Variants in UNC45B observed in about 807,000 individuals in gnomAD.
UNC45B encodes protein unc-45 homolog B.
UNC45B carries 78 observed loss-of-function variants against 98.7 expected under a neutral mutation model. The ratio of observed to expected loss-of-function variants is 0.79; its 90% confidence interval spans 0.66 to 0.95. The LOEUF is 0.95. Ranked by LOEUF, UNC45B falls within the 40% of genes least tolerant of loss-of-function variation. The pLI, the probability that UNC45B is intolerant of heterozygous loss-of-function variation, is 0.00. For synonymous variants in UNC45B, 462 were observed against 480.4 expected, an observed-to-expected ratio of 0.96 and a Z score of 0.50; for missense variants, 1,225 against 1,184.9, an observed-to-expected ratio of 1.03 and a Z score of -0.50.
intron 19 of UNC45B, among the ~76,000 whole-genome samples, chr17:35,184,866 A>G (rs1357835669): frequency 6.6e-6 from 1 of 151,920 alleles, no homozygotes; most frequent in Non-Finnish European, 1.5e-5. Flanking sequence ...CTTTTGTGCC[A>G]CCCCATGGCC....
At position 35,166,086 on chromosome 17, in the gene UNC45B, T is replaced by TAAAAAAAAA. The variant is rs55844448; in HGVS notation, c.1151+1937_1151+1945dup. Among the ~76,000 whole-genome samples, 101 of 58,108 alleles carry TAAAAAAAAA rather than the reference T, an allele frequency of 1.7e-3. 2 individuals are homozygous for TAAAAAAAAA. Among genetic ancestry groups the TAAAAAAAAA allele is most frequent in the Non-Finnish European group, 2.3e-3 (77 of 32,968 alleles). The allele number at this position is 58,108 out of a possible 152,430, so 38.1% of individuals were successfully genotyped here. The stretch of plus-strand genomic sequence containing the variant: ...GGCAATGTAGAGAGACCCTCATCTC[T>TAAAAAAAAA]AAAAAAAAAAAAAAAAAAAAAAAAA... On this transcript the variant is annotated intron_variant, in intron 9 of 19. Transcript: ENST00000394570.
At position 35,159,529 on chromosome 17, in the gene UNC45B, C is replaced by T. The variant is rs183214174; in HGVS notation, c.963C>T (p.Ile321=). 1.9e-6 allele frequency: 3 copies of T among 1,613,904 alleles called. No individual in the cohort carries two copies. The East Asian group carries it at 6.7e-5, about 36-fold the overall frequency. ...CCATTCATGACAACTCACGTACCAT[C>T]TATGTGGTGGATAATGGTGAGAAGA... ...DLAIHDNSRT[I]YVVDNGLRKI... Residue 321 remains isoleucine (I), a synonymous_variant, in exon 8 of 20, where the codon ATC becomes ATT. Transcript: ENST00000394570.
Position 35,185,596 on chromosome 17 carries a change from G to A in UNC45B, c.2530-703G>A, listed in dbSNP as rs572550076. On this transcript the variant is annotated intron_variant, in intron 19 of 19. Transcript: ENST00000394570. ...GCTGGGATTACAGGCATGAGCCACC[G>A]CACCTGGCCTGGGTTGGTGTCTTAA... 8.5e-5 allele frequency among the ~76,000 whole-genome samples: 13 copies of A among 152,136 alleles called. No individual in the cohort carries two copies. The South Asian group carries it at 1.2e-3, about 15-fold the overall frequency.
At chr17:35,149,981 G>T in intron 3 of UNC45B, 67 bp from the exon 4 acceptor site, 1 of 1,467,754 alleles carries the variant, frequency 6.8e-7, no homozygotes, top group Non-Finnish European at 9.1e-7. Context: ...CCTGGAGTTG[G>T]GGCAGTGGGG....
At chr17:35,170,611 G>A (rs543334099) in intron 12 of UNC45B, among the ~76,000 whole-genome samples, 38 of 151,874 alleles carry the variant, frequency 2.5e-4, no homozygotes, top group South Asian at 4.2e-4. Context: ...TGAGGCGGGC[G>A]GATGGCTTGA....
At chr17:35,162,355 A>C (rs1414643807) in intron 8 of UNC45B, among the ~76,000 whole-genome samples, 1 of 152,234 alleles carries the variant, frequency 6.6e-6, no homozygotes, top group Non-Finnish European at 1.5e-5. Flanking sequence ...ATCCAGTGTC[A>C]GAAGTAAGCT....
chr17:35,154,648 C>T lies in UNC45B; in HGVS notation c.546C>T (p.Ala182=), dbSNP rs1567755027. 1.2e-6 allele frequency: 2 copies of T among 1,613,480 alleles called. No individual in the cohort carries two copies. The highest frequency in any genetic ancestry group is 1.7e-6 in the Non-Finnish European group (2 of 1,179,804). Residue 182 remains alanine (A), a synonymous_variant, in exon 6 of 20, where the codon GCC becomes GCT. Transcript: ENST00000394570. ...AGATCTTCCAGAACAATGGAGTAGC[C>T]TTGCTACTGCAGCTTCTGGACACTA... ...AEKIFQNNGV[A]LLLQLLDTKK...
chr17:35,154,536 A>C (rs763364398), intron 5 of UNC45B, 38 bp from the exon 6 acceptor site: 2 of 1,596,750 alleles, frequency 1.3e-6, no homozygotes, highest in African/African-American at 2.7e-5. Context: ...GGGTGGCCGT[A>C]CCTCCCTCGT....
chr17:35,185,553 G>A lies in UNC45B; in HGVS notation c.2530-746G>A, dbSNP rs138891381. ...AAACTCCTGACCTCATGCTCCGCCTGCCTCGGCCTCCCAAAGTGCTGGGAT... is the reference window on the plus strand; with the variant it reads ...AAACTCCTGACCTCATGCTCCGCCTACCTCGGCCTCCCAAAGTGCTGGGAT... On this transcript the variant is annotated intron_variant, in intron 19 of 19. Coordinates refer to ENST00000394570, the MANE Select transcript of UNC45B (RefSeq NM_001267052.2). Among the ~76,000 whole-genome samples, 1,348 of 152,096 alleles carry A rather than the reference G, an allele frequency of 8.9e-3. 27 individuals are homozygous for A. The highest frequency in any genetic ancestry group is 0.031 in the African/African-American group (1,306 of 41,468).
chr17:35,178,004 A>G (rs1273801660), intron 17 of UNC45B, among the ~76,000 whole-genome samples: 1 of 151,592 alleles, frequency 6.6e-6, no homozygotes, highest in Non-Finnish European at 1.5e-5. Context: ...GGCTGAAGCT[A>G]TTTTCCAGCC....
intron 7 of UNC45B, among the ~76,000 whole-genome samples, chr17:35,157,333 G>A (rs11867333): frequency 0.2 from 31,047 of 151,898 alleles, 4,037 homozygotes; most frequent in African/African-American, 0.36. Flanking sequence ...TCCACCTCCC[G>A]GGTTTAAGCG....
chr17:35,159,464 C>T lies in UNC45B; in HGVS notation c.898C>T (p.Leu300=). Residue 300 remains leucine (L), a synonymous_variant, in exon 8 of 20, where the codon CTG becomes TTG. Transcript: ENST00000394570. ...GTCTGGCCAGGGCAGGGATCAGGCG[C>T]TGAACCTGCTCAATAAGAATGTTCC... ...KVSGQGRDQA[L]NLLNKNVPRK... 1 of 1,614,178 alleles carries T rather than the reference C, an allele frequency of 6.2e-7. No homozygotes were observed. Among genetic ancestry groups the T allele is most frequent in the Non-Finnish European group, 8.5e-7 (1 of 1,180,022 alleles).
chr17:35,172,870 G>A (rs967997726), intron 13 of UNC45B, among the ~76,000 whole-genome samples: 7 of 152,228 alleles, frequency 4.6e-5, no homozygotes, highest in South Asian at 2.1e-4. Flanking sequence ...TGGATTATCC[G>A]TCTTTTATTT....
rs367762890 is a variant in UNC45B, at chr17:35,150,160, C to T, written c.318C>T (p.Leu106=). The change falls in exon 4 of 20, where the codon CTC becomes CTT. Residue 106 remains leucine, a synonymous_variant. Transcript: ENST00000394570. ...AFKDVQRCAT[L]EPRNQNFQEM... ...AAGACGTGCAGCGTTGTGCCACCCT[C>T]GAGCCACGGAACCAGAACTTCCAGG... 114 of 1,613,614 alleles carry T rather than the reference C, an allele frequency of 7.1e-5. No homozygotes were observed. The highest frequency in any genetic ancestry group is 8.6e-5 in the Non-Finnish European group (102 of 1,179,802).
intron 18 of UNC45B, among the ~76,000 whole-genome samples, chr17:35,183,209 A>G (rs968973193): frequency 6.7e-6 from 1 of 149,542 alleles, no homozygotes; most frequent in Non-Finnish European, 1.5e-5. Context: ...GGTGAAGCAC[A>G]CTAGATGGGG....
At chr17:35,182,202 G>A (rs1271140110) in intron 18 of UNC45B, among the ~76,000 whole-genome samples, 1 of 151,626 alleles carries the variant, frequency 6.6e-6, no homozygotes, top group African/African-American at 2.4e-5. Context: ...CAATTGTCCT[G>A]CCTCAGCCTC....
At position 35,168,127 on chromosome 17, in the gene UNC45B, G is replaced by T; in HGVS notation, c.1218G>T (p.Leu406=). ...CCATCCAGACAGTGTCAGGGATCCT[G>T]CAGGGCCCCTTTGACCTGGGCAACC... is the stretch of plus-strand genomic sequence containing the variant. ...LNAIQTVSGI[L]QGPFDLGNQL... The change falls in exon 10 of 20, where the codon CTG becomes CTT. Residue 406 remains leucine, a synonymous_variant. Coordinates refer to ENST00000394570, the MANE Select transcript of UNC45B (RefSeq NM_001267052.2). 1 of 1,593,848 alleles carries T rather than the reference G, an allele frequency of 6.3e-7. No homozygotes were observed.
intron 8 of UNC45B, among the ~76,000 whole-genome samples, chr17:35,163,049 G>A (rs2092112601): frequency 6.6e-6 from 1 of 152,156 alleles, no homozygotes; most frequent in African/African-American, 2.4e-5. Flanking sequence ...CAACTTACTT[G>A]ACTTGTCCTG....
intron 7 of UNC45B, among the ~76,000 whole-genome samples, chr17:35,156,700 A>G (rs952753639): frequency 6.6e-6 from 1 of 152,202 alleles, no homozygotes; most frequent in Non-Finnish European, 1.5e-5. Context: ...AGGCTTATTG[A>G]AGACATTTGG....
Sources: allele counts gnomAD v4.1 joint callset (sites outside exome capture counted in the v4.1 genomes callset), GRCh38; gene constraint gnomAD v4.1.1; transcripts MANE v1.5; gene names NCBI Gene and HGNC (gene_info 2026-07-23, HGNC 2026-07-21).